CNKSR2: variants seen among roughly 807,000 people sequenced by gnomAD.
CNKSR2 encodes CNK homolog protein 2.
In CNKSR2, 14 loss-of-function variants were observed where a neutral mutation model predicts 84.4. That is an observed-to-expected ratio of 0.17 (90% CI 0.11 to 0.26). The LOEUF (loss-of-function observed/expected upper bound fraction) is 0.26, where lower values mean the gene tolerates loss of function less well. Among genes scored for constraint, CNKSR2 ranks in the 10% least tolerant of loss-of-function variants. The pLI is 1.00. For missense variants in CNKSR2, 485 were observed against 771.2 expected, an observed-to-expected ratio of 0.63 and a Z score of 4.40; for synonymous variants, 275 against 277.9, an observed-to-expected ratio of 0.99 and a Z score of 0.10.
chrX:21,548,211 G>T (rs1259341399), intron 11 of CNKSR2, among the ~76,000 whole-genome samples: 1 of 111,331 alleles, frequency 9.0e-6, no homozygotes, highest in African/African-American at 3.3e-5. Flanking sequence ...GAATCAAATA[G>T]ACACAATAAA....
chrX:21,520,023 A>G (rs1234096078), intron 9 of CNKSR2, among the ~76,000 whole-genome samples: 1 of 111,575 alleles, frequency 9.0e-6, no homozygotes, highest in Non-Finnish European at 1.9e-5. Context: ...AAGCATAGTG[A>G]CTTCCAATAT....
At chrX:21,641,993 G>A in intron 20 of CNKSR2, 1 of 761,424 alleles carries the variant, frequency 1.3e-6, no homozygotes, top group Non-Finnish European at 1.6e-6. Context: ...GGAAAAGAGA[G>A]GGATCAGCTT....
At chrX:21,441,289 T>C (rs1244321809) in intron 4 of CNKSR2, 1 of 111,315 alleles carries the variant, frequency 9.0e-6, no homozygotes, top group Non-Finnish European at 1.9e-5. Context: ...CTGTTCTTTT[T>C]CTACTGTTAT....
intron 4 of CNKSR2, among the ~76,000 whole-genome samples, chrX:21,458,704 C>T (rs992962480): frequency 4.5e-5 from 5 of 110,992 alleles, no homozygotes; most frequent in African/African-American, 9.8e-5. Context: ...TTTCGTCACC[C>T]GGGTATTAAG....
intron 1 of CNKSR2, among the ~76,000 whole-genome samples, chrX:21,394,464 C>T (rs190484916): frequency 4.3e-4 from 48 of 111,546 alleles, no homozygotes; most frequent in African/African-American, 1.5e-3. Context: ...TGTTTCTCTT[C>T]GAGTCAATGT....
At chrX:21,638,511 C>T (rs2092681119) in intron 20 of CNKSR2, among the ~76,000 whole-genome samples, 3 of 111,936 alleles carry the variant, frequency 2.7e-5, no homozygotes, top group Non-Finnish European at 5.6e-5. Context: ...CATGGCATTC[C>T]ATCTGGGTTC....
intron 8 of CNKSR2, among the ~76,000 whole-genome samples, chrX:21,511,231 A>G: frequency 9.0e-6 from 1 of 111,661 alleles, no homozygotes; most frequent in Non-Finnish European, 1.9e-5. Flanking sequence ...AGGTTCATTT[A>G]TAAGGAGAAA....
At chrX:21,588,508 T>C (rs1046776483) in intron 13 of CNKSR2, among the ~76,000 whole-genome samples, 4 of 112,500 alleles carry the variant, frequency 3.6e-5, no homozygotes, top group African/African-American at 1.3e-4. Flanking sequence ...ATTTATAATA[T>C]CTTTAAAAGA....
At chrX:21,611,611 A>G (rs1413768495) in intron 20 of CNKSR2, among the ~76,000 whole-genome samples, 2 of 111,757 alleles carry the variant, frequency 1.8e-5, no homozygotes, top group African/African-American at 6.5e-5. Context: ...TTTCTTCTAG[A>G]TTATCTTTTT....
Position 21,470,446 on chromosome X carries a change from G to T in CNKSR2, c.520-320G>T, listed in dbSNP as rs528488272. The stretch of plus-strand genomic sequence containing the variant: ...CAGAATACATTTATCACGTGTAAAA[G>T]CTTAGATAGAAAATGGTTACAATAT... On this transcript the variant is annotated intron_variant, in intron 4 of 21. Coordinates refer to ENST00000379510, the MANE Select transcript of CNKSR2 (RefSeq NM_014927.5). 4.4e-4 allele frequency among the ~76,000 whole-genome samples: 49 copies of T among 110,844 alleles called. 1 individual carries two copies. In the South Asian group the frequency reaches 0.018, roughly 41 times the overall value.
intron 20 of CNKSR2, among the ~76,000 whole-genome samples, chrX:21,610,009 G>A (rs1451326680): frequency 8.9e-6 from 1 of 112,136 alleles, no homozygotes; most frequent in Non-Finnish European, 1.9e-5. Context: ...CAAGCAGGTT[G>A]TTAGCAGAGC....
intron 4 of CNKSR2, among the ~76,000 whole-genome samples, chrX:21,466,587 T>C (rs1313066436): frequency 9.0e-6 from 1 of 111,498 alleles, no homozygotes; most frequent in Non-Finnish European, 1.9e-5. Flanking sequence ...GGTTTTGTTG[T>C]TCTTTTTTTT....
At chrX:21,502,151 A>G (rs1431705214) in intron 8 of CNKSR2, among the ~76,000 whole-genome samples, 1 of 102,453 alleles carries the variant, frequency 9.8e-6, no homozygotes, top group East Asian at 3.1e-4. Context: ...TTCTTGCCCT[A>G]TGAACCTCAC....
Position 21,450,840 on chromosome X carries a change from A to G in CNKSR2, c.519+10059A>G, listed in dbSNP as rs932576791. On this transcript the variant is annotated intron_variant, in intron 4 of 21. Coordinates refer to ENST00000379510, the MANE Select transcript of CNKSR2 (RefSeq NM_014927.5). ...ATTCTATGACTATAAAGTTCTTGCTATCTTTTCTGTAATACAAATCTTGCA... is the reference window on the plus strand; with the variant it reads ...ATTCTATGACTATAAAGTTCTTGCTGTCTTTTCTGTAATACAAATCTTGCA... Among the ~76,000 whole-genome samples, 13 of 111,818 alleles carry G rather than the reference A, an allele frequency of 1.2e-4. No individual in the cohort carries two copies. In the East Asian group the frequency reaches 1.7e-3, roughly 14 times the overall value.
At chrX:21,641,649 G>A (rs776290027) in intron 20 of CNKSR2, 8 of 1,154,553 alleles carry the variant, frequency 6.9e-6, no homozygotes, top group Non-Finnish European at 9.2e-6. Flanking sequence ...AATTTAGATC[G>A]GAGAGAGTCG....
At chrX:21,550,240 C>G (rs2092073515) in intron 11 of CNKSR2, among the ~76,000 whole-genome samples, 1 of 111,528 alleles carries the variant, frequency 9.0e-6, no homozygotes, top group Admixed American at 9.5e-5. Context: ...ACAGCCCCAT[C>G]AAAAAGTGGG....
intron 13 of CNKSR2, among the ~76,000 whole-genome samples, chrX:21,574,417 G>T (rs911043110): frequency 3.6e-5 from 4 of 111,812 alleles, no homozygotes; most frequent in African/African-American, 1.3e-4. Context: ...AATTATAAAG[G>T]AAAGAGATTT....
intron 17 of CNKSR2, among the ~76,000 whole-genome samples, chrX:21,596,085 A>T (rs2092449537): frequency 8.9e-6 from 1 of 112,043 alleles, no homozygotes; most frequent in African/African-American, 3.2e-5. Context: ...TACATATTAC[A>T]AATATAACTT....
chrX:21,492,723 A>C (rs2147046491), intron 6 of CNKSR2: 1 of 112,062 alleles, frequency 8.9e-6, no homozygotes, highest in East Asian at 2.8e-4. Context: ...GTTGAATATT[A>C]ATAGAAAGAG....
Sources: gnomAD v4.1 joint callset for allele counts (sites outside exome capture counted in the v4.1 genomes callset) on GRCh38, gnomAD v4.1.1 for gene constraint, MANE v1.5 for transcripts, NCBI Gene and HGNC (gene_info 2026-07-23, HGNC 2026-07-21) for gene names.